The following MED13L variants were observed in gnomAD, a reference collection of about 807,000 sequenced individuals.
MED13L encodes the protein mediator complex subunit 13L.
Under a neutral mutation model 220.9 loss-of-function variants are expected in MED13L, and 7 were observed. The ratio of observed to expected loss-of-function variants is 0.03; its 90% CI spans 0.02 to 0.06. MED13L has a LOEUF of 0.06. Among genes scored for constraint, MED13L ranks in the 10% least tolerant of loss-of-function variants. The pLI is 1.00. For missense variants in MED13L, 1,965 were observed against 2,760.5 expected, an observed-to-expected ratio of 0.71 and a Z score of 6.46; for synonymous variants, 1,011 against 1,015.2, an observed-to-expected ratio of 1.00 and a Z score of 0.08.
chr12:116,054,946 G>C (rs1214042644), intron 4 of MED13L, among the ~76,000 whole-genome samples: 2 of 152,038 alleles, frequency 1.3e-5, no homozygotes, highest in African/African-American at 4.8e-5. Flanking sequence ...TCAACCCACA[G>C]AATACATAAA....
At chr12:116,228,010 G>A (rs921839688) in intron 2 of MED13L, among the ~76,000 whole-genome samples, 1 of 152,098 alleles carries the variant, frequency 6.6e-6, no homozygotes, top group African/African-American at 2.4e-5. Context: ...AAGTGAAACA[G>A]GCTTATTGTT....
At position 115,962,156 on chromosome 12, in the gene MED13L, C is replaced by T. The variant is rs138650698; in HGVS notation, c.6501-758G>A. Among the ~76,000 whole-genome samples the T allele has an allele frequency of 6.4e-4, 98 of 152,076 alleles. 1 individual carries two copies. Among genetic ancestry groups the T allele is most frequent in the Non-Finnish European group, 1.2e-3 (84 of 67,986 alleles). On this transcript the variant is annotated intron_variant, in intron 30 of 30. Transcript: ENST00000281928. Reference sequence around the variant, plus strand: ...AAAAATTTTAATTAGATTTGAGGTTCACATTGTATTTCTATTGGACAGTGT... The same window carrying T: ...AAAAATTTTAATTAGATTTGAGGTTTACATTGTATTTCTATTGGACAGTGT...
chr12:116,193,596 T>C (rs1005600809), intron 2 of MED13L, among the ~76,000 whole-genome samples: 1 of 130,306 alleles, frequency 7.7e-6, no homozygotes, highest in Admixed American at 8.6e-5. Flanking sequence ...GAAGATTTAG[T>C]GTAAAGTAGA....
chr12:115,976,694 A>G (rs1008618649), intron 23 of MED13L, among the ~76,000 whole-genome samples: 5 of 152,202 alleles, frequency 3.3e-5, no homozygotes, highest in Non-Finnish European at 5.9e-5. Flanking sequence ...CCAAATATAA[A>G]TATTTTAGAT....
intron 1 of MED13L, among the ~76,000 whole-genome samples, chr12:116,253,743 G>C (rs1291690125): frequency 7.1e-6 from 1 of 140,488 alleles, no homozygotes; most frequent in Non-Finnish European, 1.5e-5. Context: ...CCACCTTCAC[G>C]GTTTTTTTTG....
chr12:116,031,452 C>T (rs2137491035), intron 4 of MED13L, among the ~76,000 whole-genome samples: 1 of 151,244 alleles, frequency 6.6e-6, no homozygotes, highest in African/African-American at 2.4e-5. Context: ...ATTAGCCTGG[C>T]ATGGTGGCGG....
intron 2 of MED13L, among the ~76,000 whole-genome samples, chr12:116,207,511 G>A (rs1216632010): frequency 1.3e-5 from 2 of 152,118 alleles, no homozygotes; most frequent in African/African-American, 2.4e-5. Context: ...GAGGCATTAA[G>A]CGACACATTG....
intron 2 of MED13L, among the ~76,000 whole-genome samples, chr12:116,131,413 A>G (rs559600501): frequency 1.2e-4 from 19 of 152,336 alleles, no homozygotes; most frequent in Non-Finnish European, 1.9e-4. Flanking sequence ...ATTAACCAGC[A>G]TAAGTATGCT....
At chr12:116,134,003 A>G (rs570144139) in intron 2 of MED13L, among the ~76,000 whole-genome samples, 1 of 152,340 alleles carries the variant, frequency 6.6e-6, no homozygotes, top group South Asian at 2.1e-4. Flanking sequence ...GAGCCCTTCC[A>G]GTGGAGCCCT....
chr12:116,072,674 G>C (rs538893197), intron 4 of MED13L, among the ~76,000 whole-genome samples: 12 of 152,250 alleles, frequency 7.9e-5, no homozygotes, highest in South Asian at 6.2e-4. Context: ...GGCTGGTCTT[G>C]AACTCCTTGT....
intron 27 of MED13L, 78 bp downstream of exon 27, chr12:115,970,516 T>A: frequency 6.8e-7 from 1 of 1,478,178 alleles, no homozygotes; most frequent in Non-Finnish European, 9.4e-7. Context: ...AGAAAAGCCA[T>A]GCGGCAGCCC....
chr12:116,055,026 G>A (rs577323839), intron 4 of MED13L, among the ~76,000 whole-genome samples: 7 of 152,054 alleles, frequency 4.6e-5, no homozygotes, highest in African/African-American at 9.7e-5. Context: ...TAAGACAAAT[G>A]GATTTCAGAA....
chr12:116,033,955 TCAAA>T (rs1360736863), intron 4 of MED13L, among the ~76,000 whole-genome samples: 1 of 152,136 alleles, frequency 6.6e-6, no homozygotes, highest in Non-Finnish European at 1.5e-5. Context: ...CCAGCCTCAC[TCAAA>T]CAGTCAAACT....
At chr12:116,212,037 A>T (rs1163587832) in intron 2 of MED13L, among the ~76,000 whole-genome samples, 4 of 152,180 alleles carry the variant, frequency 2.6e-5, no homozygotes, top group Non-Finnish European at 4.4e-5. Context: ...TTCTGAGAAA[A>T]CCAAATCCAC....
Position 116,136,909 on chromosome 12 carries a change from T to C in MED13L, c.311-25397A>G, listed in dbSNP as rs540121635. ...TTGATTTTCCTGAATAAACTTGAGA[T>C]CCTAGGTGAACCACACCAATTATTT... On this transcript the variant is annotated intron_variant, in intron 2 of 30. Transcript: ENST00000281928. Among the ~76,000 whole-genome samples, 6 of 152,286 alleles carry C rather than the reference T, an allele frequency of 3.9e-5. No individual in the cohort carries two copies. The South Asian group carries it at 1.2e-3, about 32-fold the overall frequency.
chr12:115,996,880 T>A lies in MED13L; in HGVS notation c.2790+130A>T, dbSNP rs544753033. On this transcript the variant is annotated intron_variant, in intron 15 of 30. Coordinates refer to ENST00000281928, the MANE Select transcript of MED13L (RefSeq NM_015335.5). The stretch of plus-strand genomic sequence containing the variant: ...TTAATATGCCTGCTGGTGTGCCTCA[T>A]GTTCTAATTAAAAGGATTCTTAGGA... The A allele has an allele frequency of 7.8e-5, 87 of 1,108,964 alleles. No homozygotes were observed. The South Asian group carries it at 1.0e-3, about 13-fold the overall frequency. 68.7% of individuals were successfully genotyped at this position (1,108,964 alleles called of 1,614,324 possible). A position where few individuals can be genotyped will look rare whatever the true frequency, so the allele number is the denominator to read the frequency against.
At chr12:116,118,894 C>A (rs139479886) in intron 2 of MED13L, among the ~76,000 whole-genome samples, 1 of 152,294 alleles carries the variant, frequency 6.6e-6, no homozygotes, top group African/African-American at 2.4e-5. Context: ...TAGCTACTAG[C>A]ATAAAATGTC....
chr12:116,032,809 A>G (rs149001143), intron 4 of MED13L, among the ~76,000 whole-genome samples: 13 of 152,316 alleles, frequency 8.5e-5, no homozygotes, highest in South Asian at 6.2e-4. Context: ...TTTGCAAACT[A>G]TAAGTCTCTC....
intron 1 of MED13L, among the ~76,000 whole-genome samples, chr12:116,253,087 C>A (rs552783384): frequency 6.6e-6 from 1 of 151,900 alleles, no homozygotes; most frequent in African/African-American, 2.4e-5. Context: ...CGTGGTGAAA[C>A]CCCGTCTGTA....
Sources: allele counts gnomAD v4.1 joint callset (sites outside exome capture counted in the v4.1 genomes callset), GRCh38; gene constraint gnomAD v4.1.1; transcripts MANE v1.5; gene names NCBI Gene and HGNC (gene_info 2026-07-23, HGNC 2026-07-21).